Variants in FBN3 observed in about 807,000 individuals in gnomAD.
The protein encoded by FBN3 is fibrillin-3.
A neutral mutation model predicts 330.1 loss-of-function variants in FBN3; 234 were observed. The ratio of observed to expected loss-of-function variants is 0.71; its 90% CI spans 0.64 to 0.79. The LOEUF (loss-of-function observed/expected upper bound fraction) is 0.79. Ranked by LOEUF, FBN3 falls within the 30% of genes least tolerant of loss-of-function variation. The probability of loss-of-function intolerance (pLI) is 0.00; values close to 1 mark genes in which losing one functional copy is unlikely to be tolerated. For synonymous variants in FBN3, 1,458 were observed against 1,517.3 expected (o/e 0.96, Z 0.91); for missense variants, 3,606 against 3,886.9 (o/e 0.93, Z 1.92).
At position 8,066,198 on chromosome 19, in the gene FBN3, CAGG is replaced by C. The variant is rs2081387406; in HGVS notation, c.8148_8150del (p.His2716_Leu2717delinsGln). 6.2e-7 allele frequency: 1 copy of C among 1,609,238 alleles called. No individual in the cohort carries two copies. Among genetic ancestry groups the C allele is most frequent in the South Asian group, 1.1e-5 (1 of 90,982 alleles). ...GCTCCAGGATGCGCTCGGCCCGGCC[CAGG>C]TGTGAGAGGTTCAGGCCCAAGGTCA... is the stretch of plus-strand genomic sequence containing the variant. On this transcript the variant is annotated inframe_deletion, in exon 64 of 64. Coordinates refer to ENST00000600128, the MANE Select transcript of FBN3 (RefSeq NM_032447.5).
intron 8 of FBN3, among the ~76,000 whole-genome samples, chr19:8,140,246 C>A (rs954863551): frequency 6.6e-6 from 1 of 151,912 alleles, no homozygotes; most frequent in Non-Finnish European, 1.5e-5. Context: ...GGTGGATCAC[C>A]TGAGGTCAAG....
chr19:8,092,127 G>A (rs998823974), intron 47 of FBN3, among the ~76,000 whole-genome samples: 1 of 151,400 alleles, frequency 6.6e-6, no homozygotes, highest in African/African-American at 2.4e-5. Flanking sequence ...GCAGTGAGCT[G>A]AGCTCATACC....
chr19:8,140,775 G>A (rs1422043235), intron 8 of FBN3, among the ~76,000 whole-genome samples: 1 of 152,098 alleles, frequency 6.6e-6, no homozygotes, highest in Non-Finnish European at 1.5e-5. Context: ...TCAGAGGCTG[G>A]TTTGTCCAAT....
chr19:8,070,797 T>A (rs1398287183), intron 63 of FBN3, among the ~76,000 whole-genome samples: 5 of 151,922 alleles, frequency 3.3e-5, no homozygotes, highest in Admixed American at 3.3e-4. Context: ...CCGAGCCGGG[T>A]GGATCACCTG....
Position 8,082,246 on chromosome 19 carries a change from C to T in FBN3, c.7214-766G>A, listed in dbSNP as rs374242393. ...AGCCTCCCAAAGTGTGCTGGGATTA[C>T]AGGCGTGAGCCACCTCACTTGGCCT... On this transcript the variant is annotated intron_variant, in intron 57 of 63. Coordinates refer to ENST00000600128, the MANE Select transcript of FBN3 (RefSeq NM_032447.5). Among the ~76,000 whole-genome samples, 734 of 151,882 alleles carry T rather than the reference C, an allele frequency of 4.8e-3. 9 individuals are homozygous for T. Among genetic ancestry groups the T allele is most frequent in the African/African-American group, 0.017 (707 of 41,452 alleles).
intron 59 of FBN3, among the ~76,000 whole-genome samples, chr19:8,076,736 G>A (rs1200708375): frequency 6.6e-6 from 1 of 152,050 alleles, no homozygotes; most frequent in Non-Finnish European, 1.5e-5. Context: ...ACTTGGTGTG[G>A]ATTTGCTCTG....
intron 8 of FBN3, among the ~76,000 whole-genome samples, chr19:8,140,557 T>C (rs1005036603): frequency 1.3e-5 from 2 of 152,192 alleles, no homozygotes; most frequent in African/African-American, 4.8e-5. Flanking sequence ...TCCATGAATG[T>C]GTATTAAGTA....
At chr19:8,086,447 TTTATTATTA>T (rs370506683) in intron 54 of FBN3, 122 bp from the exon 55 acceptor site, 3,740 of 326,452 alleles carry the variant, frequency 0.011, 167 homozygotes, top group African/African-American at 0.086. Context: ...TTTATTTATT[TTTATTATTA>T]TTATTATTAT....
chr19:8,109,783 G>T lies in FBN3; in HGVS notation c.4334-30C>A, dbSNP rs1333855078. The T allele has an allele frequency of 3.5e-6, 5 of 1,435,190 alleles. No individual in the cohort carries two copies. Among genetic ancestry groups the T allele is most frequent in the Non-Finnish European group, 3.7e-6 (4 of 1,091,280 alleles). 88.9% of individuals were successfully genotyped at this position (1,435,190 alleles called of 1,614,324 possible). Reference sequence around the variant, plus strand: ...AGGGAGGAAGCGCGGTCCTCAGCAGGGAGCCCCTTCCTCGGCCCCCCTCCC... The same window carrying T: ...AGGGAGGAAGCGCGGTCCTCAGCAGTGAGCCCCTTCCTCGGCCCCCCTCCC... On this transcript the variant is annotated intron_variant, in intron 34 of 63. Coordinates refer to ENST00000600128, the MANE Select transcript of FBN3 (RefSeq NM_032447.5). The surrounding 1 kb of genome is among the most constrained non-coding windows in gnomAD (Gnocchi z 5.2).
Position 8,112,035 on chromosome 19 carries a change from C to T in FBN3, c.3903G>A (p.Pro1301=), listed in dbSNP as rs4804264. Residue 1301 remains proline (P), a synonymous_variant, in exon 31 of 64, where the codon CCG becomes CCA. Transcript: ENST00000600128. ...GCAGGCACCTACAGCTGAAACTCCC[C>T]GGGATGTTGAGACAGGAGGCGTGAC... is the stretch of plus-strand genomic sequence containing the variant. The part of the protein sequence containing the change: ...CDSHASCLNI[P]GSFSCRCLPG... The T allele has an allele frequency of 0.57, 911,714 of 1,611,102 alleles. 263,414 individuals carry two copies. Among genetic ancestry groups the T allele is most frequent in the East Asian group, 0.78 (34,864 of 44,764 alleles).
chr19:8,135,376 C>T (rs2083254327), intron 13 of FBN3, among the ~76,000 whole-genome samples: 1 of 151,828 alleles, frequency 6.6e-6, no homozygotes, highest in Non-Finnish European at 1.5e-5. Context: ...CTCCTGGGTT[C>T]AGGCAATTCT....
At position 8,106,227 on chromosome 19, in the gene FBN3, T is replaced by C. The variant is rs762963014; in HGVS notation, c.4694A>G (p.Asp1565Gly). The change falls in exon 38 of 64, where the codon GAC (aspartate) becomes GGC (glycine). Residue 1565 changes from aspartate to glycine, a missense_variant. Physicochemically the swap from Asp to Gly is moderately conservative, Grantham distance 94 (BLOSUM62 -1). Transcript: ENST00000600128. Reference protein sequence around the residue: ...NRITVILEDIDECQELPGLCQ... With the variant: ...NRITVILEDIGECQELPGLCQ... Reference sequence around the variant, plus strand: ...CAGCCCTGGCAGCTCTTGGCACTCGTCGATGTCTGTCAGGAAGTAAGGAAG... The same window carrying C: ...CAGCCCTGGCAGCTCTTGGCACTCGCCGATGTCTGTCAGGAAGTAAGGAAG... 2 of 1,613,980 alleles carry C rather than the reference T, an allele frequency of 1.2e-6. No homozygotes were observed.
chr19:8,138,426 G>A lies in FBN3; in HGVS notation c.1004C>T (p.Pro335Leu). Residue 335 changes from proline to leucine, a missense_variant, in exon 9 of 64, where the codon CCT becomes CTT. Physicochemically the swap from Pro to Leu is moderately conservative, Grantham distance 98. Transcript: ENST00000600128. Reference sequence around the variant, plus strand: ...CTCTTACTCACTGGAGCCCCGAGGAGGACACAGCTCAGGGACCGGGCCAGC... The same window carrying A: ...CTCTTACTCACTGGAGCCCCGAGGAAGACACAGCTCAGGGACCGGGCCAGC... The part of the protein sequence containing the change: ...WAAGPVPELC[P>L]PRGSNEFQQL... 6.2e-7 allele frequency: 1 copy of A among 1,612,442 alleles called. No individual in the cohort carries two copies. Among genetic ancestry groups the A allele is most frequent in the Non-Finnish European group, 8.5e-7 (1 of 1,179,240 alleles).
intron 52 of FBN3, 44 bp from the exon 53 acceptor site, chr19:8,087,991 C>T (rs377118706): frequency 2.3e-5 from 37 of 1,613,818 alleles, no homozygotes; most frequent in Non-Finnish European, 2.9e-5. Flanking sequence ...GGACTGAGGG[C>T]GGGACCTCCA....
rs1196918314 is a variant in FBN3 at position 8,081,010 on chromosome 19, G to C, written c.7446C>G (p.Ala2482=). ...GGGGCAAGGGTCACTCACCGAAGCA[G>C]GCCTGGTGGTGCTGGGTGAAGCCGG... ...CPPGFTQHHQ[A]CFDNDECSAQ... Residue 2482 remains alanine, a synonymous_variant, in exon 59 of 64, where the codon GCC becomes GCG. Transcript: ENST00000600128. 5 of 1,610,196 alleles carry C rather than the reference G, an allele frequency of 3.1e-6. No homozygotes were observed. In the East Asian group the frequency reaches 8.9e-5, roughly 29 times the overall value.
In FBN3 at chr19:8,126,847, C is replaced by A; in HGVS notation, c.2297-15G>T. On this transcript the variant is annotated splice_polypyrimidine_tract_variant and intron_variant, in intron 18 of 63. Coordinates refer to ENST00000600128, the MANE Select transcript of FBN3 (RefSeq NM_032447.5). Reference sequence around the variant, plus strand: ...TTCGTCGACATCTGTGGGGACAGCCCCCCACCAGGTCCTGAGCTGCAGGAG... The same window carrying A: ...TTCGTCGACATCTGTGGGGACAGCCACCCACCAGGTCCTGAGCTGCAGGAG... The A allele has an allele frequency of 1.3e-6, 2 of 1,536,040 alleles. No individual in the cohort carries two copies. Among genetic ancestry groups the A allele is most frequent in the Non-Finnish European group, 1.7e-6 (2 of 1,144,244 alleles).
rs780934891 is a variant in FBN3 at position 8,103,554 on chromosome 19, C to T, written c.4939+8G>A. 2.5e-6 allele frequency: 4 copies of T among 1,612,158 alleles called. No homozygotes were observed. In the African/African-American group the frequency reaches 4.0e-5, roughly 16 times the overall value. On this transcript the variant is annotated splice_region_variant and intron_variant, in intron 39 of 63. Coordinates refer to ENST00000600128, the MANE Select transcript of FBN3 (RefSeq NM_032447.5). ...ACTGCCAGTTCCCTAGGTCATCACGCTTCTTACCCATGCAGTTGTTGCCAC... is the reference window on the plus strand; with the variant it reads ...ACTGCCAGTTCCCTAGGTCATCACGTTTCTTACCCATGCAGTTGTTGCCAC...
intron 34 of FBN3, 90 bp downstream of exon 34, chr19:8,110,755 A>G (rs1175507253): frequency 6.5e-7 from 1 of 1,535,322 alleles, no homozygotes; most frequent in East Asian, 2.3e-5. Context: ...ATGCTTGAAA[A>G]GAGATCTGAG....
chr19:8,112,604 T>C (rs2086150), intron 30 of FBN3, among the ~76,000 whole-genome samples: 149,633 of 152,224 alleles, frequency 0.98, 73,581 homozygotes, highest in Non-Finnish European at 1. Flanking sequence ...GAGCAGAGGT[T>C]GTGCCACTGC....
Sources: gnomAD v4.1 joint callset for allele counts (sites outside exome capture counted in the v4.1 genomes callset) on GRCh38, gnomAD v4.1.1 for gene constraint, Gnocchi (gnomAD v3.1) non-coding constraint, MANE v1.5 for transcripts, NCBI Gene and HGNC (gene_info 2026-07-23, HGNC 2026-07-21) for gene names.